Variants in WWOX observed in about 807,000 individuals in gnomAD.
The protein encoded by WWOX is WW domain-containing oxidoreductase.
Under a neutral mutation model 46.2 loss-of-function variants are expected in WWOX, and 69 were observed. The ratio of observed to expected loss-of-function variants is 1.49; its 90% CI spans 1.23 to 1.82. The LOEUF is 1.82. Ranked by LOEUF, WWOX falls within the 40% of genes most tolerant of loss-of-function variation. The pLI is 0.00. For missense variants in WWOX, 919 were observed against 542.6 expected (o/e 1.69, Z -6.89); for synonymous variants, 359 against 202.6 (o/e 1.77, Z -6.56).
At chr16:79,130,718 G>A (rs1012049659) in intron 8 of WWOX, among the ~76,000 whole-genome samples, 7 of 152,198 alleles carry the variant, frequency 4.6e-5, no homozygotes, top group East Asian at 1.9e-4. Flanking sequence ...CGGTACTGGC[G>A]TCCTTCCAGA....
At chr16:79,036,462 T>A (rs550127403) in intron 8 of WWOX, among the ~76,000 whole-genome samples, 12 of 152,382 alleles carry the variant, frequency 7.9e-5, no homozygotes, top group African/African-American at 2.4e-4. Flanking sequence ...ATTCATGACA[T>A]GTGAGGCCTT....
intron 6 of WWOX, among the ~76,000 whole-genome samples, chr16:78,393,535 G>C (rs1029360953): frequency 6.6e-6 from 1 of 152,082 alleles, no homozygotes; most frequent in Non-Finnish European, 1.5e-5. Flanking sequence ...AGGTCCTTAA[G>C]TCCCTGATAA....
At chr16:78,617,660 T>C (rs1000791732) in intron 8 of WWOX, among the ~76,000 whole-genome samples, 1 of 152,142 alleles carries the variant, frequency 6.6e-6, no homozygotes, top group Admixed American at 6.5e-5. Flanking sequence ...CTCCTCAAGC[T>C]TGCATGGCGC....
intron 8 of WWOX, among the ~76,000 whole-genome samples, chr16:79,097,732 T>C (rs965520198): frequency 6.6e-6 from 1 of 152,114 alleles, no homozygotes; most frequent in African/African-American, 2.4e-5. Flanking sequence ...TTTCTGTCTT[T>C]TATTTAGGGA....
intron 8 of WWOX, among the ~76,000 whole-genome samples, chr16:78,816,886 A>G (rs535850811): frequency 1.1e-4 from 16 of 152,282 alleles, no homozygotes; most frequent in African/African-American, 3.9e-4. Context: ...GGTTACAAAC[A>G]TCTGAAGGCA....
intron 8 of WWOX, among the ~76,000 whole-genome samples, chr16:79,178,782 C>T (rs1043387119): frequency 2.6e-5 from 4 of 152,212 alleles, no homozygotes; most frequent in African/African-American, 9.6e-5. Context: ...AATTTTATGA[C>T]AGTTTCCAAC....
At chr16:78,128,369 G>C (rs947502710) in intron 4 of WWOX, among the ~76,000 whole-genome samples, 3 of 152,196 alleles carry the variant, frequency 2.0e-5, no homozygotes, top group Admixed American at 2.0e-4. Context: ...ACTCTAGCCA[G>C]ATATTCAGGA....
chr16:78,850,318 A>G (rs942025277), intron 8 of WWOX, among the ~76,000 whole-genome samples: 5 of 152,144 alleles, frequency 3.3e-5, no homozygotes, highest in African/African-American at 9.7e-5. Context: ...TCGCCTCCAT[A>G]ATATTAGTTA....
At position 79,190,023 on chromosome 16, in the gene WWOX, G is replaced by T. The variant is rs2051102142; in HGVS notation, c.1057-21585G>T. Among the ~76,000 whole-genome samples the T allele has an allele frequency of 2.0e-5, 3 of 151,970 alleles. No homozygotes were observed. The South Asian group carries it at 6.2e-4, about 32-fold the overall frequency. The stretch of plus-strand genomic sequence containing the variant: ...CATGGAAATGTTTTCATAACGCCTT[G>T]TTTTTTAATTATTATTATTATTTTT... On this transcript the variant is annotated intron_variant, in intron 8 of 8. Transcript: ENST00000566780.
intron 5 of WWOX, among the ~76,000 whole-genome samples, chr16:78,193,125 G>T (rs931490270): frequency 1.3e-5 from 2 of 152,190 alleles, no homozygotes; most frequent in Admixed American, 6.5e-5. Context: ...AGAGGCTTCT[G>T]TTCATACATT....
At chr16:78,501,260 A>T (rs573695964) in intron 8 of WWOX, among the ~76,000 whole-genome samples, 16 of 150,612 alleles carry the variant, frequency 1.1e-4, no homozygotes, top group East Asian at 9.7e-4. Context: ...AAATAAAAAA[A>T]AAATAAATAA....
intron 8 of WWOX, among the ~76,000 whole-genome samples, chr16:78,880,656 A>G (rs966705260): frequency 2.6e-5 from 4 of 152,196 alleles, no homozygotes; most frequent in African/African-American, 9.6e-5. Context: ...TGGTGAGGGA[A>G]TTCACTTGCC....
At chr16:78,330,319 A>C (rs1395140328) in intron 5 of WWOX, among the ~76,000 whole-genome samples, 1 of 152,220 alleles carries the variant, frequency 6.6e-6, no homozygotes, top group Non-Finnish European at 1.5e-5. Flanking sequence ...ATTAAAGAAA[A>C]TTAATATTTC....
chr16:78,514,498 GTCCT>G (rs1371055367), intron 8 of WWOX, among the ~76,000 whole-genome samples: 2 of 152,242 alleles, frequency 1.3e-5, no homozygotes, highest in Admixed American at 1.3e-4. Context: ...AGGTGAAGTG[GTCCT>G]AATCTGCGGC....
chr16:78,228,097 C>A (rs1048683776), intron 5 of WWOX, among the ~76,000 whole-genome samples: 4 of 152,104 alleles, frequency 2.6e-5, no homozygotes, highest in Non-Finnish European at 4.4e-5. Context: ...TTGGCTTTGT[C>A]ACAAATGCCT....
chr16:79,031,627 T>C (rs930372299), intron 8 of WWOX, among the ~76,000 whole-genome samples: 1 of 151,670 alleles, frequency 6.6e-6, no homozygotes, highest in African/African-American at 2.4e-5. Context: ...ATTTTTAAAA[T>C]TGAGGTAAAT....
chr16:78,720,229 C>T (rs371812995), intron 8 of WWOX, among the ~76,000 whole-genome samples: 4 of 151,720 alleles, frequency 2.6e-5, no homozygotes, highest in South Asian at 2.1e-4. Context: ...CACTGTGATT[C>T]GTCTGATAGA....
rs77706645 is a variant in WWOX at position 79,175,239 on chromosome 16, C to T, written c.1057-36369C>T. On this transcript the variant is annotated intron_variant, in intron 8 of 8. Transcript: ENST00000566780. ...AAGGCATTTGAAAATTGCTGAAGTG[C>T]TTCTCAGTGATGAAATGTTACAGAT... Among the ~76,000 whole-genome samples, 1,013 of 152,304 alleles carry T rather than the reference C, an allele frequency of 6.7e-3. 14 individuals carry two copies. The highest frequency in any genetic ancestry group is 0.023 in the African/African-American group (943 of 41,566).
intron 8 of WWOX, among the ~76,000 whole-genome samples, chr16:79,112,977 C>G (rs1024864301): frequency 2.0e-5 from 3 of 152,218 alleles, no homozygotes; most frequent in Non-Finnish European, 4.4e-5. Context: ...GGTTCATTTT[C>G]TTGCTCATCT....
Sources: allele counts gnomAD v4.1 joint callset (sites outside exome capture counted in the v4.1 genomes callset), GRCh38; gene constraint gnomAD v4.1.1; transcripts MANE v1.5; gene names NCBI Gene and HGNC (gene_info 2026-07-23, HGNC 2026-07-21).